Variants in KCNMA1 observed in about 807,000 individuals in gnomAD.
The protein encoded by KCNMA1 is potassium calcium-activated channel subfamily M alpha 1, also known as Calcium-activated potassium channel subunit alpha-1.
In KCNMA1, 29 loss-of-function variants were observed where a neutral mutation model predicts 140.0. The observed-to-expected ratio is 0.21, with a 90% confidence interval of 0.15 to 0.28. KCNMA1 has a LOEUF of 0.28. Among genes scored for constraint, KCNMA1 ranks in the 10% least tolerant of loss-of-function variants. The pLI is 1.00. For missense variants in KCNMA1, 880 were observed against 1,602.2 expected (o/e 0.55, Z 7.70); for synonymous variants, 612 against 611.9 (o/e 1.00, Z 0.00).
chr10:77,492,084 A>G (rs1410734615), intron 1 of KCNMA1, among the ~76,000 whole-genome samples: 2 of 152,174 alleles, frequency 1.3e-5, no homozygotes, highest in Non-Finnish European at 2.9e-5. Context: ...CTGAATGGGA[A>G]GCCCCTCTGG....
In KCNMA1 at chr10:76,942,995, G is replaced by A. The variant is rs552352207; in HGVS notation, c.2902+1778C>T. Among the ~76,000 whole-genome samples the A allele has an allele frequency of 3.9e-5, 6 of 152,308 alleles. 1 individual carries two copies. The highest frequency in any genetic ancestry group is 1.4e-4 in the African/African-American group (6 of 41,568). ...ATGCAGATTCTGACCCAGCAGGTCT[G>A]GGATGGCCCATGAGGTTCTGTAACT... On this transcript the variant is annotated intron_variant, in intron 23 of 27. Transcript: ENST00000286628.
At chr10:77,022,535 G>A (rs1042189862) in intron 16 of KCNMA1, among the ~76,000 whole-genome samples, 1 of 152,036 alleles carries the variant, frequency 6.6e-6, no homozygotes, top group African/African-American at 2.4e-5. Context: ...CTTATTCTTT[G>A]TTTACTCACC....
rs139056198 is a variant in KCNMA1, at chr10:76,976,106, A to G, written c.2267-6039T>C. Among the ~76,000 whole-genome samples, 1,111 of 152,356 alleles carry G rather than the reference A, an allele frequency of 7.3e-3. 9 individuals carry two copies. The highest frequency in any genetic ancestry group is 0.024 in the African/African-American group (1,007 of 41,586). On this transcript the variant is annotated intron_variant, in intron 19 of 27. Transcript: ENST00000286628. ...TTACTTGGAAAACCTAATGGGTATCAGTTTTTAAAAAATCTATCGTTATGC... is the reference window on the plus strand; with the variant it reads ...TTACTTGGAAAACCTAATGGGTATCGGTTTTTAAAAAATCTATCGTTATGC...
chr10:76,978,199 A>G (rs1592596923), intron 19 of KCNMA1, among the ~76,000 whole-genome samples: 1 of 152,226 alleles, frequency 6.6e-6, no homozygotes, highest in East Asian at 1.9e-4. Flanking sequence ...CTTTGTTAAC[A>G]GGAAGCCAAA....
chr10:77,554,000 G>A (rs1312434614), intron 1 of KCNMA1, among the ~76,000 whole-genome samples: 1 of 151,540 alleles, frequency 6.6e-6, no homozygotes, highest in African/African-American at 2.4e-5. Context: ...GGTTCCAACA[G>A]ATGATACTGT....
chr10:77,118,509 G>C (rs1170510254), intron 6 of KCNMA1, among the ~76,000 whole-genome samples: 1 of 152,226 alleles, frequency 6.6e-6, no homozygotes, highest in African/African-American at 2.4e-5. Context: ...ATCACAGAAC[G>C]CTTAATGTCC....
At chr10:76,933,474 C>T (rs185627474) in intron 23 of KCNMA1, among the ~76,000 whole-genome samples, 1 of 152,314 alleles carries the variant, frequency 6.6e-6, no homozygotes, top group East Asian at 1.9e-4. Flanking sequence ...CCTTTAAGTA[C>T]CTTGGTTATA....
At chr10:76,909,916 T>C (rs1326546835) in intron 25 of KCNMA1, 50 bp downstream of exon 25, 46 of 1,598,988 alleles carry the variant, frequency 2.9e-5, no homozygotes, top group Admixed American at 1.2e-4. Flanking sequence ...AGGTGCTCTA[T>C]TGGCACATCC....
chr10:77,637,319 C>G lies in KCNMA1; in HGVS notation c.324G>C (p.Trp108Cys). The G allele has an allele frequency of 6.2e-7, 1 of 1,613,768 alleles. No individual in the cohort carries two copies. Among genetic ancestry groups the G allele is most frequent in the South Asian group, 1.1e-5 (1 of 90,984 alleles). Residue 108 changes from tryptophan (W) to cysteine (C), a missense_variant, in exon 1 of 28, where the codon TGG becomes TGC. Around this residue, in one of 13 missense-constraint regions of KCNMA1, gnomAD observed 31 missense variants for 75.0 expected, o/e 0.41. Transcript: ENST00000286628. ...CGGTCCACAGGTACTTGAGCGTCCG[C>G]CAGAGCAAGATGATGAAGAGGCCCC... ...FFGGLFIILL[W>C]RTLKYLWTVC...
At chr10:77,011,606 C>A (rs1057025401) in intron 18 of KCNMA1, among the ~76,000 whole-genome samples, 2 of 152,202 alleles carry the variant, frequency 1.3e-5, no homozygotes, top group Non-Finnish European at 2.9e-5. Flanking sequence ...GACCCCCAAT[C>A]CACTGGAAAT....
intron 3 of KCNMA1, among the ~76,000 whole-genome samples, chr10:77,218,028 C>T (rs575260994): frequency 6.6e-6 from 1 of 152,110 alleles, no homozygotes; most frequent in African/African-American, 2.4e-5. Context: ...TGAGAAGATC[C>T]TTCTCAGGGA....
Position 77,415,142 on chromosome 10 carries a change from C to T in KCNMA1, c.379-11119G>A, listed in dbSNP as rs376319158. 2.6e-5 allele frequency among the ~76,000 whole-genome samples: 4 copies of T among 152,300 alleles called. No homozygotes were observed. In the East Asian group the frequency reaches 5.8e-4, roughly 22 times the overall value. On this transcript the variant is annotated intron_variant, in intron 1 of 27. Transcript: ENST00000286628. The stretch of plus-strand genomic sequence containing the variant: ...GGGGATCCAACCTGGGAATACAATG[C>T]TCATTAGACATTAGATATGTTCTCA...
chr10:76,989,862 A>G (rs2082274116), intron 19 of KCNMA1, among the ~76,000 whole-genome samples: 1 of 150,900 alleles, frequency 6.6e-6, no homozygotes, highest in Non-Finnish European at 1.5e-5. Context: ...TATTATTTCC[A>G]TCAATACTAT....
intron 2 of KCNMA1, among the ~76,000 whole-genome samples, chr10:77,368,355 A>T (rs1725643649): frequency 6.6e-6 from 1 of 152,174 alleles, no homozygotes; most frequent in South Asian, 2.1e-4. Context: ...TCATGTGTCT[A>T]TTCAAGTCTT....
chr10:77,226,555 G>A (rs532741198), intron 3 of KCNMA1, among the ~76,000 whole-genome samples: 1 of 152,098 alleles, frequency 6.6e-6, no homozygotes, highest in Non-Finnish European at 1.5e-5. Flanking sequence ...AGAGTGATTT[G>A]GTGAAGTTCA....
chr10:77,312,336 C>T (rs770887599), intron 2 of KCNMA1, among the ~76,000 whole-genome samples: 1 of 152,150 alleles, frequency 6.6e-6, no homozygotes, highest in Non-Finnish European at 1.5e-5. Flanking sequence ...CAAAGAATTC[C>T]AGGAGATGGC....
At chr10:76,900,850 TATC>T (rs2044909277) in intron 25 of KCNMA1, among the ~76,000 whole-genome samples, 1 of 151,420 alleles carries the variant, frequency 6.6e-6, no homozygotes, top group African/African-American at 2.4e-5. Flanking sequence ...TTCTTGGAGA[TATC>T]ATGACAATAT....
chr10:77,041,848 C>A (rs2094722590), intron 14 of KCNMA1, among the ~76,000 whole-genome samples: 1 of 152,168 alleles, frequency 6.6e-6, no homozygotes, highest in African/African-American at 2.4e-5. Context: ...AGGCATCTTG[C>A]TGGCAGCCAG....
At chr10:77,363,120 A>ATTTT (rs59354140) in intron 2 of KCNMA1, among the ~76,000 whole-genome samples, 3,515 of 151,076 alleles carry the variant, frequency 0.023, 70 homozygotes, top group South Asian at 0.067. Context: ...AATTATTATT[A>ATTTT]TTTTTTTTTT....
Sources: gnomAD v4.1 joint callset for allele counts (sites outside exome capture counted in the v4.1 genomes callset) on GRCh38, gnomAD v4.1.1 for gene constraint, gnomAD v4.1.1 regional missense constraint, MANE v1.5 for transcripts, NCBI Gene and HGNC (gene_info 2026-07-23, HGNC 2026-07-21) for gene names.